The following BMPR1A variants were observed in gnomAD, a reference collection of about 807,000 sequenced individuals.
BMPR1A encodes bone morphogenetic protein receptor type 1A.
A neutral mutation model predicts 66.0 loss-of-function variants in BMPR1A; 7 were observed. The ratio of observed to expected loss-of-function variants is 0.11; its 90% CI spans 0.06 to 0.20. BMPR1A has a LOEUF of 0.20. Among genes scored for constraint, BMPR1A ranks in the 10% least tolerant of loss-of-function variants. BMPR1A has a pLI of 1.00. For synonymous variants in BMPR1A, 200 were observed against 229.7 expected (o/e 0.87, Z 1.17); for missense variants, 408 against 669.1 (o/e 0.61, Z 4.31).
rs555156713 is a variant in BMPR1A at position 86,780,761 on chromosome 10, G to C, written c.-268+23842G>C. The stretch of plus-strand genomic sequence containing the variant: ...GCTAAGGATTTATAATAGATTTAAA[G>C]CATTCTGATGGGCAAAGAACCAGGG... On this transcript the variant is annotated intron_variant, in intron 1 of 12. Transcript: ENST00000372037. Among the ~76,000 whole-genome samples the C allele has an allele frequency of 3.3e-5, 5 of 152,130 alleles. No homozygotes were observed. In the South Asian group the frequency reaches 6.2e-4, roughly 19 times the overall value.
At chr10:86,846,640 G>A (rs575741654) in intron 2 of BMPR1A, among the ~76,000 whole-genome samples, 129 of 152,178 alleles carry the variant, frequency 8.5e-4, no homozygotes, top group African/African-American at 3.0e-3. Flanking sequence ...GGTGGAGGTT[G>A]CAGTGAGCCA....
chr10:86,930,548 G>C (rs1156406467), downstream of BMPR1A: 1 of 152,274 alleles, frequency 6.6e-6, no homozygotes, highest in Non-Finnish European at 1.5e-5. Flanking sequence ...AGAGTGCTGG[G>C]ATTATAGGCG....
At chr10:86,887,608 G>A (rs572427078) in intron 3 of BMPR1A, among the ~76,000 whole-genome samples, 6 of 152,242 alleles carry the variant, frequency 3.9e-5, no homozygotes, top group South Asian at 2.1e-4. Flanking sequence ...ATCTGTGCCC[G>A]TAACTGCGAC....
chr10:86,848,860 A>G (rs898864859), intron 2 of BMPR1A, among the ~76,000 whole-genome samples: 1 of 152,190 alleles, frequency 6.6e-6, no homozygotes, highest in Non-Finnish European at 1.5e-5. Context: ...TCTGCTTTCT[A>G]TCAGATCTAG....
intron 1 of BMPR1A, among the ~76,000 whole-genome samples, chr10:86,778,232 AT>A (rs566239833): frequency 0.01 from 1,487 of 145,634 alleles, 17 homozygotes; most frequent in African/African-American, 0.032. Context: ...TTTTTTTGCA[AT>A]TTTTTTTTTT....
chr10:86,891,124 A>G (rs1329590007), intron 4 of BMPR1A, among the ~76,000 whole-genome samples: 1 of 152,202 alleles, frequency 6.6e-6, no homozygotes, highest in Admixed American at 6.5e-5. Context: ...TTGAACCTGC[A>G]TGACGGTCAT....
At chr10:86,910,826 C>T (rs1351691467) in intron 7 of BMPR1A, among the ~76,000 whole-genome samples, 1 of 152,048 alleles carries the variant, frequency 6.6e-6, no homozygotes, top group Non-Finnish European at 1.5e-5. Context: ...TAAAACCAGG[C>T]CAGGCACAGT....
chr10:86,820,710 T>C (rs1176117121), intron 1 of BMPR1A, among the ~76,000 whole-genome samples: 2 of 152,198 alleles, frequency 1.3e-5, no homozygotes, highest in Non-Finnish European at 2.9e-5. Flanking sequence ...CGGATGCTAG[T>C]TGATGCCTGT....
chr10:86,894,610 T>C (rs1843199356), intron 5 of BMPR1A, among the ~76,000 whole-genome samples: 1 of 152,184 alleles, frequency 6.6e-6, no homozygotes, highest in African/African-American at 2.4e-5. Flanking sequence ...CATTATAAGT[T>C]AGTTGTTAAA....
intron 5 of BMPR1A, among the ~76,000 whole-genome samples, 163 bp downstream of exon 5, chr10:86,892,392 T>C (rs1368369919): frequency 6.6e-6 from 1 of 152,214 alleles, no homozygotes; most frequent in Non-Finnish European, 1.5e-5. Flanking sequence ...TGTATTCATA[T>C]GTAGAATTTA....
intron 1 of BMPR1A, among the ~76,000 whole-genome samples, chr10:86,818,098 A>G (rs1371338829): frequency 6.6e-6 from 1 of 152,214 alleles, no homozygotes; most frequent in African/African-American, 2.4e-5. Flanking sequence ...AGCTCACTGC[A>G]ACCTCTGCTT....
intron 5 of BMPR1A, among the ~76,000 whole-genome samples, chr10:86,896,436 T>C (rs1051053811): frequency 6.6e-6 from 1 of 152,210 alleles, no homozygotes; most frequent in African/African-American, 2.4e-5. Flanking sequence ...CTTAAAGACA[T>C]ACAGTTATAG....
rs949959490 is a variant in BMPR1A at position 86,791,458 on chromosome 10, C to T, written c.-268+34539C>T. The stretch of plus-strand genomic sequence containing the variant: ...CAATCTCCTCACCTCGTGATGTCCC[C>T]GCCTCGGCCTCCCAAAGTGCTGGGA... On this transcript the variant is annotated intron_variant, in intron 1 of 12. Transcript: ENST00000372037. Among the ~76,000 whole-genome samples the T allele has an allele frequency of 4.9e-4, 75 of 151,976 alleles. 2 individuals are homozygous for T. The highest frequency in any genetic ancestry group is 3.3e-4 in the Admixed American group (5 of 15,258).
At chr10:86,844,070 G>T (rs900477106) in intron 2 of BMPR1A, among the ~76,000 whole-genome samples, 2 of 152,180 alleles carry the variant, frequency 1.3e-5, no homozygotes, top group African/African-American at 4.8e-5. Flanking sequence ...AGTAGCCAAG[G>T]TAAGTTGGAT....
intron 1 of BMPR1A, among the ~76,000 whole-genome samples, chr10:86,814,084 C>T (rs191831155): frequency 1.3e-5 from 2 of 151,940 alleles, no homozygotes; most frequent in East Asian, 3.9e-4. Flanking sequence ...TTATTTTTTC[C>T]TTAAAAATCC....
At chr10:86,796,892 G>C (rs993969971) in intron 1 of BMPR1A, among the ~76,000 whole-genome samples, 2 of 151,974 alleles carry the variant, frequency 1.3e-5, no homozygotes, top group Non-Finnish European at 2.9e-5. Flanking sequence ...AGTTGGTGTT[G>C]TTCTGTTTTG....
At chr10:86,822,845 G>T (rs1030876049) in intron 1 of BMPR1A, among the ~76,000 whole-genome samples, 1 of 151,878 alleles carries the variant, frequency 6.6e-6, no homozygotes, top group Non-Finnish European at 1.5e-5. Context: ...GGCCAGGCTG[G>T]TCTCGAACTC....
chr10:86,804,538 T>G (rs994009382), intron 1 of BMPR1A, among the ~76,000 whole-genome samples: 2 of 152,096 alleles, frequency 1.3e-5, no homozygotes, highest in African/African-American at 4.8e-5. Flanking sequence ...CAGCCACACA[T>G]GATTTTCTTT....
At chr10:86,769,759 T>G (rs1841221984) in intron 1 of BMPR1A, among the ~76,000 whole-genome samples, 1 of 152,102 alleles carries the variant, frequency 6.6e-6, no homozygotes, top group Non-Finnish European at 1.5e-5. Context: ...TCCTGGAGGT[T>G]AAGAATACTA....
Sources: allele counts gnomAD v4.1 joint callset (sites outside exome capture counted in the v4.1 genomes callset), GRCh38; gene constraint gnomAD v4.1.1; transcripts MANE v1.5; gene names NCBI Gene and HGNC (gene_info 2026-07-23, HGNC 2026-07-21).